The following RANBP2 variants were observed in gnomAD, a reference collection of about 807,000 sequenced individuals.
RANBP2 encodes the protein E3 SUMO-protein ligase RanBP2.
Under a neutral mutation model 303.6 loss-of-function variants are expected in RANBP2, and 57 were observed. That is an observed-to-expected ratio of 0.19 (90% CI 0.15 to 0.23). The LOEUF (loss-of-function observed/expected upper bound fraction) is 0.23. Among genes scored for constraint, RANBP2 ranks in the 10% least tolerant of loss-of-function variants. The pLI is 1.00. For synonymous variants in RANBP2, 1,167 were observed against 1,301.5 expected (o/e 0.90, Z 2.23); for missense variants, 3,138 against 3,780.8 (o/e 0.83, Z 4.46).
the RANBP2 span, among the ~76,000 whole-genome samples, chr2:109,185,595 C>T: frequency 6.6e-6 from 1 of 152,122 alleles, no homozygotes; most frequent in Non-Finnish European, 1.5e-5. Flanking sequence ...GTTTTCCTGC[C>T]TTTGGGGTTG....
the RANBP2 span, among the ~76,000 whole-genome samples, chr2:109,158,578 C>G: frequency 2.0e-5 from 3 of 152,186 alleles, no homozygotes; most frequent in Admixed American, 6.5e-5. Flanking sequence ...GACAGAGGGT[C>G]TTCACCTCGC....
the RANBP2 span, among the ~76,000 whole-genome samples, chr2:109,012,559 C>G: frequency 6.6e-6 from 1 of 152,268 alleles, no homozygotes; most frequent in East Asian, 1.9e-4. Context: ...GAAGCCCAAG[C>G]TTCTGCTTTT....
chr2:108,950,872 C>A, the RANBP2 span, among the ~76,000 whole-genome samples: 1 of 152,242 alleles, frequency 6.6e-6, no homozygotes, highest in African/African-American at 2.4e-5. Flanking sequence ...GGGACCCAGG[C>A]CTTCACACAT....
the RANBP2 span, chr2:109,614,800 AGGCCCCCGAC>A: frequency 1.4e-6 from 2 of 1,470,366 alleles, no homozygotes; most frequent in African/African-American, 2.9e-5. Context: ...GCCGAGCCCG[AGGCCCCCGAC>A]GGCCCTGCCG....
chr2:109,262,788 C>T, the RANBP2 span, among the ~76,000 whole-genome samples: 1 of 152,050 alleles, frequency 6.6e-6, no homozygotes, highest in African/African-American at 2.4e-5. Flanking sequence ...ATGTAATGGG[C>T]CCAATGATAA....
At chr2:109,162,062 A>T in the RANBP2 span, among the ~76,000 whole-genome samples, 1 of 152,098 alleles carries the variant, frequency 6.6e-6, no homozygotes, top group Non-Finnish European at 1.5e-5. Context: ...GAGGGAGTTT[A>T]TGGATGCTGA....
the RANBP2 span, among the ~76,000 whole-genome samples, chr2:109,022,893 A>T: frequency 2.0e-5 from 3 of 152,118 alleles, no homozygotes; most frequent in Non-Finnish European, 4.4e-5. Flanking sequence ...TCTACTAAAA[A>T]TACAAAAATT....
intron 4 of RANBP2, among the ~76,000 whole-genome samples, chr2:108,734,818 A>G (rs890507075): frequency 1.3e-5 from 2 of 152,092 alleles, no homozygotes; most frequent in African/African-American, 2.4e-5. Flanking sequence ...AGTGGAGGAT[A>G]ACATCACTGG....
the RANBP2 span, among the ~76,000 whole-genome samples, chr2:108,988,476 A>AGGATAT: frequency 1.3e-5 from 2 of 151,874 alleles, no homozygotes; most frequent in Non-Finnish European, 2.9e-5. Context: ...CACAGAGGCC[A>AGGATAT]GGATATGGGG....
intron 23 of RANBP2, among the ~76,000 whole-genome samples, chr2:108,774,864 G>C (rs985168983): frequency 6.6e-6 from 1 of 151,796 alleles, no homozygotes; most frequent in African/African-American, 2.4e-5. Flanking sequence ...GCTAATTTTT[G>C]TATTTTTAGT....
At chr2:108,945,849 CA>C in the RANBP2 span, among the ~76,000 whole-genome samples, 1 of 152,144 alleles carries the variant, frequency 6.6e-6, no homozygotes, top group Admixed American at 6.5e-5. Flanking sequence ...ATGAGGTCCC[CA>C]GAGTAGTCAG....
chr2:109,351,602 G>A, the RANBP2 span, among the ~76,000 whole-genome samples: 18,442 of 152,284 alleles, frequency 0.12, 1,271 homozygotes, highest in Middle Eastern at 0.24. Context: ...CAGGGCCCAC[G>A]CTGCTTTTCA....
At chr2:108,824,006 A>C in the RANBP2 span, among the ~76,000 whole-genome samples, 4 of 152,038 alleles carry the variant, frequency 2.6e-5, no homozygotes, top group South Asian at 8.3e-4. Flanking sequence ...TGGGGGGTAC[A>C]CCTGAATAGA....
At chr2:109,446,104 G>A in the RANBP2 span, among the ~76,000 whole-genome samples, 55 of 152,088 alleles carry the variant, frequency 3.6e-4, no homozygotes, top group African/African-American at 9.4e-4. Context: ...CAGCCAGCTC[G>A]GGGTTGGGGC....
the RANBP2 span, among the ~76,000 whole-genome samples, chr2:109,024,833 T>A: frequency 6.6e-6 from 1 of 152,248 alleles, no homozygotes; most frequent in African/African-American, 2.4e-5. Context: ...TATTCTTTTT[T>A]AACTTATTTT....
rs1166173705 is a variant in RANBP2 at position 108,785,189 on chromosome 2, T to C, written c.*1288T>C. ...AATTGGGTATCCTAAAGCAAGTAAC[T>C]GTTCAACCACCAGTCAAAAGAGGGG... On this transcript the variant is annotated 3_prime_UTR_variant, in exon 29 of 29. Coordinates refer to ENST00000283195, the MANE Select transcript of RANBP2 (RefSeq NM_006267.5). The C allele has an allele frequency of 2.6e-5, 4 of 152,212 alleles. No individual in the cohort carries two copies. The highest frequency in any genetic ancestry group is 5.9e-5 in the Non-Finnish European group (4 of 68,036). The allele number at this position is 152,212 out of a possible 1,614,324, so 9.4% of individuals were successfully genotyped here. A position where few individuals can be genotyped will look rare whatever the true frequency, so the allele number is the denominator to read the frequency against.
At chr2:109,460,165 T>C in the RANBP2 span, among the ~76,000 whole-genome samples, 1 of 152,232 alleles carries the variant, frequency 6.6e-6, no homozygotes, top group East Asian at 1.9e-4. Flanking sequence ...CAGTGCTGTG[T>C]GGAATACCGT....
At chr2:108,788,374 G>GGC (rs1359488849), downstream of RANBP2, among the ~76,000 whole-genome samples, 3 of 143,200 alleles carry the variant, frequency 2.1e-5, no homozygotes, top group African/African-American at 7.8e-5. Flanking sequence ...GAGCCGAGAT[G>GGC]GCGCCACTAC....
At chr2:109,536,052 T>TGG in the RANBP2 span, among the ~76,000 whole-genome samples, 366 of 87,628 alleles carry the variant, frequency 4.2e-3, 2 homozygotes, top group African/African-American at 0.01. Flanking sequence ...TGGGTGGGGG[T>TGG]GGGGGGGGGG....
Sources: gnomAD v4.1 joint callset for allele counts (sites outside exome capture counted in the v4.1 genomes callset) on GRCh38, gnomAD v4.1.1 for gene constraint, MANE v1.5 for transcripts, NCBI Gene and HGNC (gene_info 2026-07-23, HGNC 2026-07-21) for gene names.